Variants in SMAP1 observed in about 807,000 individuals in gnomAD.
The protein encoded by SMAP1 is stromal membrane-associated protein 1.
A neutral mutation model predicts 58.5 loss-of-function variants in SMAP1; 24 were observed. That is an observed-to-expected ratio of 0.41 (90% CI 0.30 to 0.58). The LOEUF (loss-of-function observed/expected upper bound fraction) is 0.58, where lower values mean the gene tolerates loss of function less well. Among genes scored for constraint, SMAP1 ranks in the 20% least tolerant of loss-of-function variants. The pLI is 0.29. For missense variants in SMAP1, 563 were observed against 566.3 expected (o/e 0.99, Z 0.06); for synonymous variants, 216 against 196.6 (o/e 1.10, Z -0.82).
intron 1 of SMAP1, among the ~76,000 whole-genome samples, chr6:70,678,743 A>G (rs1459306862): frequency 1.3e-5 from 2 of 152,142 alleles, no homozygotes; most frequent in African/African-American, 2.4e-5. Context: ...GGCCACCTGC[A>G]TTCCTTGGCT....
At chr6:70,823,317 C>T (rs1202928428) in intron 6 of SMAP1, among the ~76,000 whole-genome samples, 1 of 152,076 alleles carries the variant, frequency 6.6e-6, no homozygotes, top group African/African-American at 2.4e-5. Flanking sequence ...TTTAATGAGC[C>T]TGTGCCCCTA....
At chr6:70,857,240 TAAC>T (rs1771465393) in intron 9 of SMAP1, 6 of 412,228 alleles carry the variant, frequency 1.5e-5, no homozygotes, top group Non-Finnish European at 2.6e-5. Context: ...TATTTGGAAT[TAAC>T]AAGCTGTTCA....
intron 3 of SMAP1, among the ~76,000 whole-genome samples, chr6:70,759,429 C>T (rs1350376592): frequency 1.3e-5 from 2 of 151,856 alleles, no homozygotes; most frequent in Admixed American, 6.6e-5. Context: ...AATTACTTGA[C>T]GTTTTTGAAA....
chr6:70,668,812 A>G, intron 1 of SMAP1: 7 of 1,368,804 alleles, frequency 5.1e-6, no homozygotes, highest in Non-Finnish European at 6.9e-6. Flanking sequence ...AATGAAGAGG[A>G]ATTTCATTAC....
rs868460004 is a variant in SMAP1 at position 70,771,378 on chromosome 6, C to T, written c.339-1972C>T. The stretch of plus-strand genomic sequence containing the variant: ...GTTGGAGCCTACAGAGGCCGGCAGG[C>T]CTCCTTGAGCTGTGGTGGGCTCCAC... On this transcript the variant is annotated intron_variant, in intron 3 of 10. Coordinates refer to ENST00000370455, the MANE Select transcript of SMAP1 (RefSeq NM_001044305.3). 2.8e-4 allele frequency among the ~76,000 whole-genome samples: 42 copies of T among 152,316 alleles called. No homozygotes were observed. The Middle Eastern group carries it at 0.02, about 74-fold the overall frequency.
intron 4 of SMAP1, among the ~76,000 whole-genome samples, chr6:70,785,049 G>C (rs956769844): frequency 2.0e-5 from 3 of 152,064 alleles, no homozygotes; most frequent in African/African-American, 7.2e-5. Flanking sequence ...CCACATAGTT[G>C]GAAGTAAAGG....
At chr6:70,837,093 G>A in intron 7 of SMAP1, 65 bp downstream of exon 7, 1 of 1,203,168 alleles carries the variant, frequency 8.3e-7, no homozygotes, top group Non-Finnish European at 1.1e-6. Context: ...TACTTGGAGT[G>A]AATATAATGG....
intron 7 of SMAP1, among the ~76,000 whole-genome samples, chr6:70,845,341 A>G (rs950711471): frequency 1.3e-5 from 2 of 152,130 alleles, no homozygotes; most frequent in Admixed American, 1.3e-4. Flanking sequence ...CAAGAGGGGG[A>G]TGGGGCTGCT....
chr6:70,773,305 A>C, intron 3 of SMAP1, 45 bp from the exon 4 acceptor site: 1 of 1,191,078 alleles, frequency 8.4e-7, no homozygotes, highest in African/African-American at 1.5e-5. Flanking sequence ...AGGGAAGTGT[A>C]CATATCACTG....
rs114950335 is a variant in SMAP1 at position 70,840,178 on chromosome 6, C to T, written c.664+3150C>T. 1.0e-2 allele frequency among the ~76,000 whole-genome samples: 1,517 copies of T among 152,238 alleles called. 14 individuals carry two copies. The highest frequency in any genetic ancestry group is 0.034 in the African/African-American group (1,410 of 41,534). On this transcript the variant is annotated intron_variant, in intron 7 of 10. Transcript: ENST00000370455. ...GAAAATATAGAGAGAACTTGTATAG[C>T]GATAGTTCAGTTAACACAGCTATGG...
chr6:70,701,400 A>G (rs1008106283), intron 1 of SMAP1, among the ~76,000 whole-genome samples: 1 of 152,124 alleles, frequency 6.6e-6, no homozygotes, highest in Admixed American at 6.5e-5. Flanking sequence ...CCCAAAGTCC[A>G]CTGGCTGCAA....
chr6:70,760,031 C>T lies in SMAP1; in HGVS notation c.338+4966C>T, dbSNP rs987882004. On this transcript the variant is annotated intron_variant, in intron 3 of 10. Transcript: ENST00000370455. Reference sequence around the variant, plus strand: ...TGCTCAAAGAGCTATTAAGAAACTTCCTAAAGCCTCCAGACTTTCCCTCCT... The same window carrying T: ...TGCTCAAAGAGCTATTAAGAAACTTTCTAAAGCCTCCAGACTTTCCCTCCT... The T allele has an allele frequency of 4.1e-4, 97 of 234,390 alleles. 2 individuals are homozygous for T. The Admixed American group carries it at 4.4e-3, about 11-fold the overall frequency. The allele number at this position is 234,390 out of a possible 1,614,324, so 14.5% of individuals were successfully genotyped here.
At chr6:70,668,435 C>T in intron 1 of SMAP1, 1 of 1,275,358 alleles carries the variant, frequency 7.8e-7, no homozygotes, top group South Asian at 1.6e-5. Context: ...CTCCACAGGG[C>T]TGGGGGTAGG....
At chr6:70,722,696 A>C (rs924113301) in intron 1 of SMAP1, among the ~76,000 whole-genome samples, 5 of 152,264 alleles carry the variant, frequency 3.3e-5, no homozygotes, top group African/African-American at 1.2e-4. Context: ...ATTAACTAAA[A>C]GTATTCCTTA....
intron 1 of SMAP1, among the ~76,000 whole-genome samples, chr6:70,727,782 C>A (rs1022234370): frequency 1.3e-5 from 2 of 152,008 alleles, no homozygotes; most frequent in Admixed American, 6.6e-5. Flanking sequence ...TCACACTGAC[C>A]GTGTGCAGTG....
chr6:70,814,514 TAG>T (rs1769531995), intron 6 of SMAP1, among the ~76,000 whole-genome samples: 1 of 152,176 alleles, frequency 6.6e-6, no homozygotes, highest in South Asian at 2.1e-4. Flanking sequence ...TTTAGATTTA[TAG>T]ACTGCATAGC....
intron 4 of SMAP1, 32 bp from the exon 5 acceptor site, chr6:70,791,657 T>G: frequency 6.3e-7 from 1 of 1,582,846 alleles, no homozygotes; most frequent in Non-Finnish European, 8.6e-7. Context: ...TTTTTGTTTT[T>G]TTCCTCCTGA....
intron 1 of SMAP1, among the ~76,000 whole-genome samples, chr6:70,674,906 C>T (rs539007792): frequency 3.9e-5 from 6 of 152,214 alleles, no homozygotes; most frequent in East Asian, 3.9e-4. Context: ...ACCCTGGAGG[C>T]GGAGGTTGCA....
At chr6:70,756,160 A>G (rs1055499155) in intron 3 of SMAP1, among the ~76,000 whole-genome samples, 5 of 152,112 alleles carry the variant, frequency 3.3e-5, no homozygotes, top group African/African-American at 1.2e-4. Context: ...AAATAAGATT[A>G]TCTGATTAAT....
Sources: allele counts gnomAD v4.1 joint callset (sites outside exome capture counted in the v4.1 genomes callset), GRCh38; gene constraint gnomAD v4.1.1; transcripts MANE v1.5; gene names NCBI Gene and HGNC (gene_info 2026-07-23, HGNC 2026-07-21).